Variants in NBEAL1 observed in about 807,000 individuals in gnomAD.
NBEAL1 encodes the protein neurobeachin like 1.
Under a neutral mutation model 351.3 loss-of-function variants are expected in NBEAL1, and 273 were observed. That is an observed-to-expected ratio of 0.78 (90% CI 0.70 to 0.86). The LOEUF (loss-of-function observed/expected upper bound fraction) is 0.86, where lower values mean the gene tolerates loss of function less well. NBEAL1 is among the 40% of genes least tolerant of loss of function. NBEAL1 has a pLI of 0.00. For missense variants in NBEAL1, 2,961 were observed against 3,201.3 expected (o/e 0.92, Z 1.81); for synonymous variants, 1,050 against 1,086.4 (o/e 0.97, Z 0.66).
At position 203,136,014 on chromosome 2, in the gene NBEAL1, T is replaced by G; in HGVS notation, c.4151T>G (p.Phe1384Cys). 6.2e-7 allele frequency: 1 copy of G among 1,613,638 alleles called. No homozygotes were observed. The highest frequency in any genetic ancestry group is 8.5e-7 in the Non-Finnish European group (1 of 1,179,714). ...PEDSSVGELS[F>C]KSENQEEFWH... ...GATAGCTCTGTGGGAGAATTGTCTTTCAAATCAGAGAATCAAGAGGAATTC... is the reference window on the plus strand; with the variant it reads ...GATAGCTCTGTGGGAGAATTGTCTTGCAAATCAGAGAATCAAGAGGAATTC... The change falls in exon 28 of 56, where the codon TTC (phenylalanine) becomes TGC (cysteine). Residue 1384 changes from phenylalanine (F) to cysteine (C), a missense_variant. Transcript: ENST00000683969.
intron 2 of NBEAL1, among the ~76,000 whole-genome samples, chr2:203,016,988 A>T (rs1202230692): frequency 6.6e-6 from 1 of 152,218 alleles, no homozygotes; most frequent in African/African-American, 2.4e-5. Flanking sequence ...TGCAAGGGTT[A>T]CAGGAGTACT....
In NBEAL1 at chr2:203,068,341, C is replaced by T. The variant is rs918906542; in HGVS notation, c.516-52C>T. ...TTTATAATTGTTTTTGTAATTGTGC[C>T]GTGTCTGCTTGCCCATGTTGTAACT... On this transcript the variant is annotated intron_variant, in intron 6 of 55. Coordinates refer to ENST00000683969, the MANE Select transcript of NBEAL1 (RefSeq NM_001378026.1). 4.4e-5 allele frequency: 35 copies of T among 792,734 alleles called. No homozygotes were observed. The Middle Eastern group carries it at 7.0e-4, about 16-fold the overall frequency. The allele number at this position is 792,734 out of a possible 1,614,324, so 49.1% of individuals were successfully genotyped here.
At chr2:203,087,378 A>G (rs562894158) in intron 10 of NBEAL1, among the ~76,000 whole-genome samples, 1 of 152,268 alleles carries the variant, frequency 6.6e-6, no homozygotes, top group South Asian at 2.1e-4. Context: ...GGCGTGAGCC[A>G]CCGAGCCCGG....
intron 34 of NBEAL1, among the ~76,000 whole-genome samples, chr2:203,149,538 T>G (rs149092971): frequency 2.0e-5 from 3 of 152,294 alleles, no homozygotes; most frequent in African/African-American, 4.8e-5. Context: ...ATATTATCTT[T>G]TTTTTATACA....
intron 18 of NBEAL1, among the ~76,000 whole-genome samples, chr2:203,118,400 A>G (rs1185324701): frequency 2.0e-5 from 3 of 152,088 alleles, no homozygotes. Context: ...TGAGTCTTAT[A>G]TTTTTGTTTG....
At chr2:203,069,211 A>G (rs1319679061) in intron 7 of NBEAL1, among the ~76,000 whole-genome samples, 1 of 152,200 alleles carries the variant, frequency 6.6e-6, no homozygotes, top group Non-Finnish European at 1.5e-5. Flanking sequence ...GTAACTTAAC[A>G]TTTTGCCATA....
In NBEAL1 at chr2:203,166,533, A is replaced by G. The variant is rs536722237; in HGVS notation, c.5863+236A>G. Among the ~76,000 whole-genome samples the G allele has an allele frequency of 3.6e-3, 554 of 152,196 alleles. 3 individuals are homozygous for G. The highest frequency in any genetic ancestry group is 6.3e-3 in the Non-Finnish European group (427 of 67,992). ...GGGAATTGCTGTAAACTTAAGTTAC[A>G]AAATACAGTGTTTATTATTATTATT... is the stretch of plus-strand genomic sequence containing the variant. On this transcript the variant is annotated intron_variant, in intron 37 of 55. Coordinates refer to ENST00000683969, the MANE Select transcript of NBEAL1 (RefSeq NM_001378026.1).
At chr2:203,193,940 G>C in intron 47 of NBEAL1, 29 bp downstream of exon 47, 1 of 1,259,808 alleles carries the variant, frequency 7.9e-7, no homozygotes, top group Non-Finnish European at 1.1e-6. Context: ...ATATCAAAAA[G>C]AGTTTTCTCT....
At position 203,163,354 on chromosome 2, in the gene NBEAL1, C is replaced by A. The variant is rs761376501; in HGVS notation, c.5715-2795C>A. On this transcript the variant is annotated intron_variant, in intron 36 of 55. Coordinates refer to ENST00000683969, the MANE Select transcript of NBEAL1 (RefSeq NM_001378026.1). The stretch of plus-strand genomic sequence containing the variant: ...GCTAACTCATTCCACTGCAAAAAAG[C>A]AAACAGATTTCAATTTTGTTTAAAG... 4.4e-4 allele frequency among the ~76,000 whole-genome samples: 67 copies of A among 152,102 alleles called. 1 individual carries two copies. The highest frequency in any genetic ancestry group is 8.5e-4 in the Non-Finnish European group (58 of 68,008).
chr2:203,159,842 A>C (rs755963066), intron 36 of NBEAL1, among the ~76,000 whole-genome samples: 7 of 151,698 alleles, frequency 4.6e-5, no homozygotes, highest in Non-Finnish European at 7.4e-5. Flanking sequence ...GTCATTTTTC[A>C]TTTTCACCAG....
intron 30 of NBEAL1, 110 bp from the exon 31 acceptor site, chr2:203,138,510 G>A: frequency 8.3e-7 from 1 of 1,199,378 alleles, no homozygotes; most frequent in Non-Finnish European, 1.2e-6. Flanking sequence ...ACTGAACATT[G>A]GACTAGCTTT....
chr2:203,222,052 C>T lies in NBEAL1; in HGVS notation c.*4698C>T, dbSNP rs2065959367. 6.6e-6 allele frequency among the ~76,000 whole-genome samples: 1 copy of T among 152,130 alleles called. No homozygotes were observed. On this transcript the variant is annotated 3_prime_UTR_variant, in exon 56 of 56. Transcript: ENST00000683969. ...GACATTAAAAAATTAGCCTTGTGTG[C>T]TGGCAAGCGCCTGTAGTCCTAGCTG...
chr2:203,110,087 C>T (rs1277706403), intron 14 of NBEAL1, 63 bp from the exon 15 acceptor site: 33 of 1,444,660 alleles, frequency 2.3e-5, no homozygotes, highest in Non-Finnish European at 2.8e-5. Flanking sequence ...GTTTTATGTA[C>T]TTTAATGATG....
In NBEAL1 at chr2:203,103,118, T is replaced by C. The variant is rs528002109; in HGVS notation, c.1269+3406T>C. 3.3e-5 allele frequency among the ~76,000 whole-genome samples: 5 copies of C among 152,260 alleles called. No individual in the cohort carries two copies. In the East Asian group the frequency reaches 7.7e-4, roughly 23 times the overall value. The stretch of plus-strand genomic sequence containing the variant: ...ATAGAGGTGTTCATAGTAGTCTTTG[T>C]GGGTTTTTTGTATCCTGTGGGGTCA... On this transcript the variant is annotated intron_variant, in intron 12 of 55. Transcript: ENST00000683969.
At position 203,136,178 on chromosome 2, in the gene NBEAL1, C is replaced by T. The variant is rs1221009867; in HGVS notation, c.4315C>T (p.His1439Tyr). 1.2e-6 allele frequency: 2 copies of T among 1,613,402 alleles called. No individual in the cohort carries two copies. The highest frequency in any genetic ancestry group is 1.1e-5 in the South Asian group (1 of 90,868). ...AGAGTCTACTAAATCGTTTTCTGTGCACTCTGACAGAGAAAGCAGCATCAC... is the reference window on the plus strand; with the variant it reads ...AGAGTCTACTAAATCGTTTTCTGTGTACTCTGACAGAGAAAGCAGCATCAC... ...PVESTKSFSV[H>Y]SDRESSITND... The change falls in exon 28 of 56, where the codon CAC (histidine) becomes TAC (tyrosine). Residue 1439 changes from histidine (H) to tyrosine (Y), a missense_variant. By Grantham distance (83) the His-to-Tyr change is moderately conservative. Transcript: ENST00000683969.
chr2:203,210,689 G>C (rs943591362), intron 53 of NBEAL1, among the ~76,000 whole-genome samples: 3 of 152,064 alleles, frequency 2.0e-5, no homozygotes, highest in African/African-American at 7.2e-5. Context: ...TTTTTCTTTT[G>C]TTTTAAGAAT....
At chr2:203,019,152 C>G (rs1198925369) in intron 2 of NBEAL1, among the ~76,000 whole-genome samples, 1 of 152,106 alleles carries the variant, frequency 6.6e-6, no homozygotes, top group African/African-American at 2.4e-5. Context: ...AATTGTTCCT[C>G]TCTTCTGGTA....
intron 6 of NBEAL1, among the ~76,000 whole-genome samples, chr2:203,065,144 A>G (rs2061560292): frequency 6.6e-6 from 1 of 152,126 alleles, no homozygotes; most frequent in Admixed American, 6.5e-5. Context: ...CTATGATCCT[A>G]GCTTTGCAGG....
intron 2 of NBEAL1, chr2:203,040,681 A>G: frequency 1.6e-6 from 1 of 634,478 alleles, no homozygotes; most frequent in Non-Finnish European, 2.9e-6. Flanking sequence ...CATTCATGAA[A>G]TTGCCTTCCC....
Sources: gnomAD v4.1 joint callset for allele counts (sites outside exome capture counted in the v4.1 genomes callset) on GRCh38, gnomAD v4.1.1 for gene constraint, MANE v1.5 for transcripts, NCBI Gene and HGNC (gene_info 2026-07-23, HGNC 2026-07-21) for gene names.